FAT3: variants seen among roughly 807,000 people sequenced by gnomAD.
FAT3 encodes the protein FAT atypical cadherin 3, also known as protocadherin Fat 3.
A neutral mutation model predicts 310.2 loss-of-function variants in FAT3; 95 were observed. That is an observed-to-expected ratio of 0.31 (90% CI 0.26 to 0.36). FAT3 has a LOEUF of 0.36. Among genes scored for constraint, FAT3 ranks in the 10% least tolerant of loss-of-function variants. FAT3 has a pLI of 1.00. For missense variants in FAT3, 5,408 were observed against 5,715.6 expected, an observed-to-expected ratio of 0.95 and a Z score of 1.74; for synonymous variants, 2,314 against 2,192.9, an observed-to-expected ratio of 1.06 and a Z score of -1.54.
chr11:92,364,256 C>A (rs1256525743), intron 2 of FAT3, among the ~76,000 whole-genome samples: 1 of 152,084 alleles, frequency 6.6e-6, no homozygotes, highest in African/African-American at 2.4e-5. Flanking sequence ...AGGTCAGGGT[C>A]CTCATTTCTC....
chr11:92,633,420 G>C (rs777507274), intron 3 of FAT3, among the ~76,000 whole-genome samples: 4 of 151,960 alleles, frequency 2.6e-5, no homozygotes, highest in Non-Finnish European at 5.9e-5. Context: ...ACATTATTTT[G>C]TTTGCCAACA....
chr11:92,319,341 G>A lies in FAT3; in HGVS notation c.-17-32755G>A, dbSNP rs147081258. ...GGACAATATGTGTTCAACACTGAAT[G>A]ATGGGAAAAATACAAAGTGGTAGAA... On this transcript the variant is annotated intron_variant, in intron 1 of 27. Transcript: ENST00000525166. 7.8e-3 allele frequency among the ~76,000 whole-genome samples: 1,185 copies of A among 152,042 alleles called. 9 individuals carry two copies. Among genetic ancestry groups the A allele is most frequent in the Non-Finnish European group, 0.013 (861 of 68,024 alleles).
intron 2 of FAT3, among the ~76,000 whole-genome samples, chr11:92,470,273 T>C (rs938402218): frequency 6.6e-6 from 1 of 152,244 alleles, no homozygotes; most frequent in East Asian, 1.9e-4. Flanking sequence ...ATTATTCTAG[T>C]GGACTAGGCC....
intron 3 of FAT3, among the ~76,000 whole-genome samples, chr11:92,653,420 C>T (rs1023016652): frequency 6.6e-6 from 1 of 152,064 alleles, no homozygotes; most frequent in Non-Finnish European, 1.5e-5. Flanking sequence ...CAGAATATTG[C>T]TCGAAGCTGA....
At chr11:92,648,843 G>A (rs936770768) in intron 3 of FAT3, among the ~76,000 whole-genome samples, 3 of 152,134 alleles carry the variant, frequency 2.0e-5, no homozygotes, top group African/African-American at 7.2e-5. Flanking sequence ...GGCCTGTGAA[G>A]ACACTGCAGT....
At chr11:92,791,153 A>G (rs1406583521) in intron 8 of FAT3, among the ~76,000 whole-genome samples, 1 of 152,194 alleles carries the variant, frequency 6.6e-6, no homozygotes, top group Non-Finnish European at 1.5e-5. Context: ...GACTCCAGGA[A>G]ACAGATGGGG....
At chr11:92,746,793 T>A (rs1024096801) in intron 4 of FAT3, among the ~76,000 whole-genome samples, 7 of 152,172 alleles carry the variant, frequency 4.6e-5, no homozygotes, top group Non-Finnish European at 8.8e-5. Context: ...ACAGGCCCCA[T>A]GCAAGTCCAA....
intron 2 of FAT3, among the ~76,000 whole-genome samples, chr11:92,441,677 A>C (rs1320515564): frequency 6.6e-6 from 1 of 152,162 alleles, no homozygotes; most frequent in African/African-American, 2.4e-5. Flanking sequence ...AAACTAAACA[A>C]TTAGAGGAGT....
At chr11:92,533,600 G>A (rs1245221338) in intron 3 of FAT3, among the ~76,000 whole-genome samples, 1 of 152,194 alleles carries the variant, frequency 6.6e-6, no homozygotes, top group African/African-American at 2.4e-5. Flanking sequence ...TTAATAAAAG[G>A]AAGAGAGGAA....
intron 2 of FAT3, among the ~76,000 whole-genome samples, chr11:92,450,673 C>T (rs1278387083): frequency 2.6e-5 from 4 of 152,106 alleles, no homozygotes; most frequent in Non-Finnish European, 5.9e-5. Context: ...AAGATATGCT[C>T]CAGAAGCCAT....
intron 1 of FAT3, among the ~76,000 whole-genome samples, chr11:92,311,597 C>T (rs1947306992): frequency 1.3e-5 from 2 of 152,164 alleles, no homozygotes; most frequent in Non-Finnish European, 2.9e-5. Context: ...GGGATATCAG[C>T]AAAACAAACT....
chr11:92,474,133 T>A (rs775357038), intron 2 of FAT3, among the ~76,000 whole-genome samples: 5 of 152,212 alleles, frequency 3.3e-5, no homozygotes, highest in South Asian at 2.1e-4. Flanking sequence ...CAGCTTCTTA[T>A]AAACCCTGTG....
chr11:92,779,308 G>A (rs1379677580), intron 7 of FAT3, among the ~76,000 whole-genome samples: 6 of 152,030 alleles, frequency 3.9e-5, no homozygotes, highest in Admixed American at 1.3e-4. Flanking sequence ...TTTACATACC[G>A]TTTACCTTGG....
chr11:92,648,414 C>T (rs1942242486), intron 3 of FAT3, among the ~76,000 whole-genome samples: 2 of 152,150 alleles, frequency 1.3e-5, no homozygotes, highest in African/African-American at 4.8e-5. Flanking sequence ...GTCACCAATT[C>T]CTCCTGCTTC....
chr11:92,694,073 A>G (rs1048776635), intron 3 of FAT3, among the ~76,000 whole-genome samples: 2 of 152,196 alleles, frequency 1.3e-5, no homozygotes, highest in Non-Finnish European at 2.9e-5. Flanking sequence ...TTTACATGCA[A>G]TAAACTTCAC....
chr11:92,330,965 GGTGTGTGTGTGTGT>G (rs375080524), intron 1 of FAT3, among the ~76,000 whole-genome samples: 15 of 135,994 alleles, frequency 1.1e-4, no homozygotes, highest in Non-Finnish European at 1.7e-4. Flanking sequence ...AGGAGTAAAG[GGTGTGTGTGTGTGT>G]GTGTGTGTGT....
intron 2 of FAT3, among the ~76,000 whole-genome samples, chr11:92,437,875 T>C (rs763238551): frequency 7.9e-5 from 12 of 152,134 alleles, no homozygotes; most frequent in Non-Finnish European, 1.8e-4. Context: ...TGGGGGTCAC[T>C]GATGGCTTTA....
intron 2 of FAT3, among the ~76,000 whole-genome samples, chr11:92,433,899 C>T (rs1040091151): frequency 4.0e-5 from 6 of 151,686 alleles, no homozygotes; most frequent in Non-Finnish European, 7.4e-5. Flanking sequence ...ACCTGTAGTC[C>T]CAGCTACTCA....
rs1242643538 is a variant in FAT3, at chr11:92,894,304, C to T, written c.*3191C>T. The T allele has an allele frequency of 6.6e-6, 1 of 152,152 alleles. No individual in the cohort carries two copies. The highest frequency in any genetic ancestry group is 1.5e-5 in the Non-Finnish European group (1 of 68,032). The allele number at this position is 152,152 out of a possible 1,614,324, so 9.4% of individuals were successfully genotyped here. On this transcript the variant is annotated 3_prime_UTR_variant, in exon 28 of 28. Transcript: ENST00000525166. ...GATAATTACAGAGTTCAGCTCAGAC[C>T]AGTCATCAGTTGTAGTGAAACTTTG...
Sources: allele counts gnomAD v4.1 joint callset (sites outside exome capture counted in the v4.1 genomes callset), GRCh38; gene constraint gnomAD v4.1.1; transcripts MANE v1.5; gene names NCBI Gene and HGNC (gene_info 2026-07-23, HGNC 2026-07-21).